ITFG2: variants seen among roughly 807,000 people sequenced by gnomAD.
ITFG2 encodes integrin alpha FG-GAP repeat containing 2, also known as KICSTOR complex protein ITFG2.
ITFG2 carries 36 observed loss-of-function variants against 54.4 expected under a neutral mutation model. The ratio of observed to expected loss-of-function variants is 0.66; its 90% CI spans 0.51 to 0.87. ITFG2 has a LOEUF of 0.87. Among genes scored for constraint, ITFG2 ranks in the 40% least tolerant of loss-of-function variants. ITFG2 has a pLI of 0.00. For missense variants in ITFG2, 524 were observed against 576.7 expected, an observed-to-expected ratio of 0.91 and a Z score of 0.94; for synonymous variants, 211 against 225.4, an observed-to-expected ratio of 0.94 and a Z score of 0.57.
downstream of ITFG2, among the ~76,000 whole-genome samples, chr12:2,831,711 CT>C (rs1396537434): frequency 6.6e-6 from 1 of 152,168 alleles, no homozygotes; most frequent in Non-Finnish European, 1.5e-5. Context: ...GTTTTGCCTC[CT>C]GTGTAGAATC....
chr12:2,850,503 C>A (rs184028779), intron 2 of ITFG2, among the ~76,000 whole-genome samples: 29 of 151,264 alleles, frequency 1.9e-4, no homozygotes, highest in Admixed American at 5.9e-4. Context: ...AAATGGGGCC[C>A]CAGGTCATGA....
At chr12:2,827,141 C>T, downstream of ITFG2, 1 of 1,608,510 alleles carries the variant, frequency 6.2e-7, no homozygotes, top group East Asian at 2.2e-5. The surrounding 1 kb of genome is among the most constrained non-coding windows in gnomAD (Gnocchi z 4.0). Flanking sequence ...TCAAGAGCCC[C>T]CGTTCCCCAC....
At chr12:2,854,077 G>A (rs554453190) in intron 2 of ITFG2, among the ~76,000 whole-genome samples, 26 of 152,196 alleles carry the variant, frequency 1.7e-4, no homozygotes, top group Non-Finnish European at 3.5e-4. Context: ...CCCGGCTGGA[G>A]TGCAATGGCA....
chr12:2,836,210 A>G (rs1203146095), upstream of ITFG2, among the ~76,000 whole-genome samples: 8 of 152,218 alleles, frequency 5.3e-5, no homozygotes, highest in African/African-American at 9.6e-5. Flanking sequence ...TGTTTTTACC[A>G]GTGCACACTG....
chr12:2,855,086 T>A (rs2098083034), intron 2 of ITFG2: 3 of 1,535,774 alleles, frequency 2.0e-6, no homozygotes, highest in Non-Finnish European at 2.6e-6. Flanking sequence ...TTTTGCCCCA[T>A]CCAGGAGGGA....
rs115680621 is a variant in ITFG2, at chr12:2,854,958, A to G, written n.301-3054A>G. ...CATCGAGTGGGGGTGCTCTTGCCTC[A>G]CTCCTCAACTTGAGCTTCTCCACCT... On this transcript the variant is annotated intron_variant and non_coding_transcript_variant, in intron 2 of 3. Coordinates refer to the ITFG2 transcript ENST00000537710. 5.8e-5 allele frequency: 89 copies of G among 1,535,364 alleles called. 1 individual carries two copies. The Middle Eastern group carries it at 1.5e-3, about 26-fold the overall frequency.
chr12:2,847,221 T>C (rs571992879), intron 2 of ITFG2, among the ~76,000 whole-genome samples: 23 of 152,350 alleles, frequency 1.5e-4, no homozygotes, highest in Admixed American at 1.4e-3. Flanking sequence ...AATATACATA[T>C]CATAACATTT....
chr12:2,856,274 G>C (rs1179420000), intron 2 of ITFG2, among the ~76,000 whole-genome samples: 1 of 152,182 alleles, frequency 6.6e-6, no homozygotes, highest in Non-Finnish European at 1.5e-5. Flanking sequence ...ATACCATGCT[G>C]GGTGAAATGA....
At chr12:2,853,382 C>G (rs1318660615) in intron 2 of ITFG2, among the ~76,000 whole-genome samples, 4 of 152,124 alleles carry the variant, frequency 2.6e-5, no homozygotes, top group Admixed American at 6.5e-5. Context: ...AAGTGATTCC[C>G]CTGCCTCAGC....
chr12:2,859,532 A>G (rs2098104870), intron 3 of ITFG2: 1 of 1,614,056 alleles, frequency 6.2e-7, no homozygotes, highest in Non-Finnish European at 8.5e-7. Context: ...TTTCCTCCCC[A>G]GGCTGGATTT....
At chr12:2,833,000 A>C (rs376582342), upstream of ITFG2, among the ~76,000 whole-genome samples, 1 of 151,892 alleles carries the variant, frequency 6.6e-6, no homozygotes, top group Non-Finnish European at 1.5e-5. Context: ...CGATGAACAC[A>C]GGCTTCAGGC....
At chr12:2,817,799 T>G in intron 2 of ITFG2, 110 bp from the exon 3 acceptor site, 1 of 1,009,700 alleles carries the variant, frequency 9.9e-7, no homozygotes, top group Non-Finnish European at 1.5e-6. Flanking sequence ...GGCGAAAGTC[T>G]TCAGTGAGCG....
intron 4 of ITFG2, 91 bp downstream of exon 4, chr12:2,818,368 C>A: frequency 6.4e-7 from 1 of 1,568,110 alleles, no homozygotes; most frequent in Non-Finnish European, 8.6e-7. Context: ...GAGGGAGAAT[C>A]CGTATTCATG....
chr12:2,837,968 A>G (rs1391274117), intron 1 of ITFG2, among the ~76,000 whole-genome samples: 1 of 152,212 alleles, frequency 6.6e-6, no homozygotes, highest in African/African-American at 2.4e-5. Context: ...TAGAGATGAT[A>G]AACACGGAAA....
chr12:2,830,095 TAA>T (rs1317837320), intron 2 of ITFG2: 1 of 151,684 alleles, frequency 6.6e-6, no homozygotes, highest in African/African-American at 2.4e-5. Context: ...TTTTTTTTTT[TAA>T]AAAAAGGACG....
intron 2 of ITFG2, among the ~76,000 whole-genome samples, chr12:2,846,094 G>A (rs2098052699): frequency 6.6e-6 from 1 of 152,168 alleles, no homozygotes; most frequent in Non-Finnish European, 1.5e-5. Context: ...CTGGAGCTAG[G>A]GGGCGCCAGA....
intron 2 of ITFG2, chr12:2,849,638 C>T (rs1565447523): frequency 8.1e-7 from 1 of 1,228,210 alleles, no homozygotes; most frequent in Non-Finnish European, 1.1e-6. Context: ...AGTTAGCCAT[C>T]AGGCGGCAGG....
At position 2,845,361 on chromosome 12, in the gene ITFG2, C is replaced by A. The variant is rs1337737637; in HGVS notation, n.300+4366C>A. ...ATGAGACAACCCTGGCAGGGCATGACTGGCAACGTGGGTGGCCCTGTATGG... is the reference window on the plus strand; with the variant it reads ...ATGAGACAACCCTGGCAGGGCATGAATGGCAACGTGGGTGGCCCTGTATGG... On this transcript the variant is annotated intron_variant and non_coding_transcript_variant, in intron 2 of 3. Transcript: ENST00000537710. This position sits in a 1 kb window ranked among gnomAD's most constrained non-coding sequence, Gnocchi z 4.2. Among the ~76,000 whole-genome samples, 4 of 152,180 alleles carry A rather than the reference C, an allele frequency of 2.6e-5. No individual in the cohort carries two copies. The highest frequency in any genetic ancestry group is 9.7e-5 in the African/African-American group (4 of 41,446).
chr12:2,821,272 G>A lies in ITFG2; in HGVS notation c.706G>A (p.Ala236Thr), dbSNP rs763169943. The change falls in exon 7 of 12, where the codon GCT becomes ACT. Residue 236 changes from alanine (A) to threonine (T), a missense_variant. By Grantham distance (58) the Ala-to-Thr change is moderately conservative (BLOSUM62 0). Transcript: ENST00000228799. Reference protein sequence around the residue: ...GPTDGSRETPAARDVVLHQTS... With the variant: ...GPTDGSRETPTARDVVLHQTS... The stretch of plus-strand genomic sequence containing the variant: ...ACCTGCTGTGCACAGGGAGACCCCA[G>A]CTGCCCGAGACGTGGTGCTGCACCA... 2.5e-6 allele frequency: 4 copies of A among 1,607,146 alleles called. No individual in the cohort carries two copies. Among genetic ancestry groups the A allele is most frequent in the Admixed American group, 1.7e-5 (1 of 59,240 alleles).
Sources: allele counts gnomAD v4.1 joint callset (sites outside exome capture counted in the v4.1 genomes callset), GRCh38; gene constraint gnomAD v4.1.1; non-coding constraint Gnocchi (gnomAD v3.1); transcripts MANE v1.5; gene names NCBI Gene and HGNC (gene_info 2026-07-23, HGNC 2026-07-21).